Variants in NRXN3 observed in about 807,000 individuals in gnomAD.
The protein encoded by NRXN3 is neurexin 3, also known as neurexin III.
Under a neutral mutation model 137.6 loss-of-function variants are expected in NRXN3, and 32 were observed. The observed-to-expected ratio is 0.23, with a 90% CI of 0.18 to 0.31. NRXN3 has a LOEUF of 0.31. Ranked by LOEUF, NRXN3 falls within the 10% of genes least tolerant of loss-of-function variation. The probability of loss-of-function intolerance (pLI) is 1.00; values close to 1 mark genes in which losing one functional copy is unlikely to be tolerated. For missense variants in NRXN3, 1,574 were observed against 2,062.5 expected, an observed-to-expected ratio of 0.76 and a Z score of 4.59; for synonymous variants, 798 against 784.5, an observed-to-expected ratio of 1.02 and a Z score of -0.29.
chr14:78,684,992 A>G (rs113802432), intron 6 of NRXN3, among the ~76,000 whole-genome samples: 6 of 152,352 alleles, frequency 3.9e-5, no homozygotes, highest in African/African-American at 1.4e-4. Flanking sequence ...AGGCAGCTAG[A>G]ACCTATCTTT....
chr14:79,303,143 C>T (rs1472554218), intron 15 of NRXN3, among the ~76,000 whole-genome samples: 1 of 152,016 alleles, frequency 6.6e-6, no homozygotes, highest in African/African-American at 2.4e-5. Context: ...CTGCGCTACC[C>T]TGCCTCTTCC....
intron 4 of NRXN3, among the ~76,000 whole-genome samples, chr14:78,519,240 G>T (rs1425571341): frequency 6.6e-6 from 1 of 152,110 alleles, no homozygotes; most frequent in Non-Finnish European, 1.5e-5. Flanking sequence ...CTGTGATAAA[G>T]ACCACTTTGG....
At chr14:79,526,703 A>C (rs1179163462) in intron 16 of NRXN3, among the ~76,000 whole-genome samples, 2 of 152,192 alleles carry the variant, frequency 1.3e-5, no homozygotes, top group African/African-American at 4.8e-5. Context: ...TTTAGACTCT[A>C]ATGAGGGAGA....
At chr14:78,209,673 A>G (rs2062556721) in intron 1 of NRXN3, among the ~76,000 whole-genome samples, 1 of 152,098 alleles carries the variant, frequency 6.6e-6, no homozygotes, top group Non-Finnish European at 1.5e-5. Context: ...AGCCACCCTC[A>G]TGATCCAGTC....
intron 8 of NRXN3, among the ~76,000 whole-genome samples, chr14:78,776,918 T>A (rs2098746579): frequency 6.6e-6 from 1 of 152,208 alleles, no homozygotes; most frequent in African/African-American, 2.4e-5. Flanking sequence ...GGGTAGGGAA[T>A]AAGAATGCAT....
chr14:78,501,893 G>C (rs2095883527), intron 4 of NRXN3, among the ~76,000 whole-genome samples: 1 of 152,136 alleles, frequency 6.6e-6, no homozygotes, highest in Non-Finnish European at 1.5e-5. Flanking sequence ...AAGGACATTA[G>C]AGGGCCTTAT....
intron 19 of NRXN3, among the ~76,000 whole-genome samples, chr14:79,698,586 G>T (rs989558397): frequency 2.6e-5 from 4 of 151,980 alleles, no homozygotes; most frequent in Non-Finnish European, 4.4e-5. Context: ...TTTTGTGGCA[G>T]TTTTTTTCCA....
chr14:79,536,458 T>G (rs2097212340), intron 16 of NRXN3, among the ~76,000 whole-genome samples: 1 of 147,886 alleles, frequency 6.8e-6, no homozygotes, highest in African/African-American at 2.5e-5. Flanking sequence ...TATTAATTAT[T>G]TTTTTTTTAA....
chr14:78,999,653 A>G (rs1307150767), intron 15 of NRXN3, among the ~76,000 whole-genome samples: 2 of 152,192 alleles, frequency 1.3e-5, no homozygotes, highest in East Asian at 3.8e-4. Flanking sequence ...TTTCTTTTCA[A>G]TCTTGCCCTT....
intron 17 of NRXN3, among the ~76,000 whole-genome samples, chr14:79,666,537 G>A (rs1227846491): frequency 1.3e-5 from 2 of 151,960 alleles, no homozygotes; most frequent in East Asian, 1.9e-4. Flanking sequence ...ACCCAAGGAG[G>A]TGCTATGCCC....
intron 15 of NRXN3, among the ~76,000 whole-genome samples, chr14:79,399,502 T>C (rs769526885): frequency 1.4e-4 from 21 of 152,178 alleles, no homozygotes; most frequent in Non-Finnish European, 2.2e-4. Flanking sequence ...ATTGAGAATA[T>C]TGGAGAGCAA....
intron 2 of NRXN3, among the ~76,000 whole-genome samples, chr14:78,265,560 A>G (rs1387879940): frequency 6.6e-6 from 1 of 152,232 alleles, no homozygotes; most frequent in Non-Finnish European, 1.5e-5. Flanking sequence ...GTTCAAGGTC[A>G]TTCAATGAAC....
chr14:79,261,892 A>AT (rs2077658823), intron 15 of NRXN3, among the ~76,000 whole-genome samples: 1 of 151,534 alleles, frequency 6.6e-6, no homozygotes, highest in Non-Finnish European at 1.5e-5. Context: ...GGGCAAGGAG[A>AT]TTTTTCCCAC....
In NRXN3 at chr14:79,862,997, C is replaced by T. The variant is rs2099415744; in HGVS notation, c.*1033C>T. 6.6e-6 allele frequency: 1 copy of T among 152,578 alleles called. No homozygotes were observed. The highest frequency in any genetic ancestry group is 6.5e-5 in the Admixed American group (1 of 15,274). The allele number at this position is 152,578 out of a possible 1,614,324, so 9.5% of individuals were successfully genotyped here. On this transcript the variant is annotated 3_prime_UTR_variant, in exon 21 of 21. Transcript: ENST00000335750. ...AAGGGGAGGTGGGCTGGATCTGTGA[C>T]TGATTGAAATGCATGCAAATAAAAA...
chr14:79,005,460 TACTC>T (rs1185208176), intron 15 of NRXN3, among the ~76,000 whole-genome samples: 12 of 152,232 alleles, frequency 7.9e-5, no homozygotes, highest in Admixed American at 2.6e-4. Flanking sequence ...AGTTAGTACT[TACTC>T]AGTAGAAGTT....
intron 10 of NRXN3, among the ~76,000 whole-genome samples, chr14:78,915,320 C>T (rs2099251829): frequency 8.5e-6 from 1 of 117,034 alleles, no homozygotes; most frequent in Non-Finnish European, 1.6e-5. Flanking sequence ...AACTACGTTT[C>T]CCAAACATCT....
intron 15 of NRXN3, among the ~76,000 whole-genome samples, chr14:79,401,147 C>T (rs1038301635): frequency 1.6e-4 from 25 of 152,078 alleles, no homozygotes. Context: ...CAAATTTTAC[C>T]CATGGACCTG....
rs115000938 is a variant in NRXN3, at chr14:78,799,341, C to T, written c.2045-4279C>T. On this transcript the variant is annotated intron_variant, in intron 8 of 20. Transcript: ENST00000335750. ...GGGCATGGAACAAAATGCTGCCAGT[C>T]TATTTGCTAAAACATAGCTAGAGTC... Among the ~76,000 whole-genome samples the T allele has an allele frequency of 2.7e-3, 412 of 152,306 alleles. 3 individuals are homozygous for T. The highest frequency in any genetic ancestry group is 9.6e-3 in the African/African-American group (400 of 41,564).
chr14:79,203,777 G>C (rs1013123962), intron 15 of NRXN3, among the ~76,000 whole-genome samples: 18 of 152,160 alleles, frequency 1.2e-4, no homozygotes, highest in African/African-American at 4.3e-4. Flanking sequence ...TAGTTGTATG[G>C]ATTAAATACT....
Sources: allele counts gnomAD v4.1 joint callset (sites outside exome capture counted in the v4.1 genomes callset), GRCh38; gene constraint gnomAD v4.1.1; transcripts MANE v1.5; gene names NCBI Gene and HGNC (gene_info 2026-07-23, HGNC 2026-07-21).